SGMS1: variants seen among roughly 807,000 people sequenced by gnomAD.
The protein encoded by SGMS1 is sphingomyelin synthase 1, also known as phosphatidylcholine:ceramide cholinephosphotransferase 1.
Under a neutral mutation model 46.2 loss-of-function variants are expected in SGMS1, and 13 were observed. The observed-to-expected ratio is 0.28, with a 90% CI of 0.18 to 0.45. The LOEUF is 0.45. Ranked by LOEUF, SGMS1 falls within the 20% of genes least tolerant of loss-of-function variation. The pLI, the probability that SGMS1 is intolerant of heterozygous loss-of-function variation, is 1.00. For synonymous variants in SGMS1, 203 were observed against 187.8 expected, an observed-to-expected ratio of 1.08 and a Z score of -0.66; for missense variants, 324 against 519.9, an observed-to-expected ratio of 0.62 and a Z score of 3.66.
At chr10:50,382,499 C>A (rs762589785) in intron 6 of SGMS1, among the ~76,000 whole-genome samples, 1 of 150,560 alleles carries the variant, frequency 6.6e-6, no homozygotes, top group South Asian at 2.1e-4. Context: ...TTTTTATAAT[C>A]AATAAAAAGC....
At chr10:50,329,155 CAT>C (rs1332717428) in intron 7 of SGMS1, among the ~76,000 whole-genome samples, 2 of 152,196 alleles carry the variant, frequency 1.3e-5, no homozygotes, top group African/African-American at 2.4e-5. Flanking sequence ...AAAAGGTACA[CAT>C]ACTCACACAC....
intron 6 of SGMS1, among the ~76,000 whole-genome samples, chr10:50,413,717 C>T (rs1267005854): frequency 6.6e-6 from 1 of 152,200 alleles, no homozygotes; most frequent in African/African-American, 2.4e-5. Context: ...TTGCACCCTG[C>T]AGAGAACCAT....
At chr10:50,595,705 T>C (rs555986865) in intron 1 of SGMS1, among the ~76,000 whole-genome samples, 1 of 152,284 alleles carries the variant, frequency 6.6e-6, no homozygotes, top group East Asian at 1.9e-4. Flanking sequence ...TCAGGGCTTG[T>C]GGTAGGCAAG....
intron 6 of SGMS1, among the ~76,000 whole-genome samples, chr10:50,424,091 C>T (rs182886904): frequency 1.8e-4 from 27 of 152,304 alleles, no homozygotes; most frequent in Admixed American, 1.2e-3. Context: ...AGCTGTACAG[C>T]CATGTTTGTC....
At position 50,428,073 on chromosome 10, in the gene SGMS1, A is replaced by G. The variant is rs78750791; in HGVS notation, c.-232+5403T>C. On this transcript the variant is annotated intron_variant, in intron 6 of 10. Transcript: ENST00000361781. ...GGTGCCTAAAGGGAGAAAAAAGAGT[A>G]GATCAGTTTAGGCTAACTTATACTG... Among the ~76,000 whole-genome samples the G allele has an allele frequency of 6.8e-3, 1,031 of 152,170 alleles. 13 individuals are homozygous for G. Among genetic ancestry groups the G allele is most frequent in the African/African-American group, 0.024 (988 of 41,508 alleles).
intron 4 of SGMS1, among the ~76,000 whole-genome samples, chr10:50,463,366 G>A (rs558266987): frequency 6.6e-6 from 1 of 152,254 alleles, no homozygotes; most frequent in African/African-American, 2.4e-5. Flanking sequence ...GGACTTGAAT[G>A]GACATTTCTC....
chr10:50,309,987 T>C (rs1003918359), intron 9 of SGMS1, among the ~76,000 whole-genome samples: 7 of 152,150 alleles, frequency 4.6e-5, no homozygotes, highest in African/African-American at 7.2e-5. Flanking sequence ...CCCCATCCAG[T>C]CCATCCTGCA....
intron 5 of SGMS1, among the ~76,000 whole-genome samples, chr10:50,453,768 AGGAAGGGAGGAAGGGAGGGAG>A (rs1837143540): frequency 8.3e-6 from 1 of 120,342 alleles, no homozygotes; most frequent in Non-Finnish European, 1.7e-5. Flanking sequence ...GAAGGAAGGA[AGGAAGGGAGGAAGGGAGGGAG>A]GGAGGGGAGA....
At chr10:50,443,347 A>T (rs72801769) in intron 5 of SGMS1, among the ~76,000 whole-genome samples, 3,013 of 152,258 alleles carry the variant, frequency 0.02, 42 homozygotes, top group Non-Finnish European at 0.033. Context: ...TGTCTGCTAG[A>T]ACACTAACCA....
chr10:50,477,570 CA>C (rs1463283533), intron 3 of SGMS1, among the ~76,000 whole-genome samples: 1 of 152,090 alleles, frequency 6.6e-6, no homozygotes, highest in Non-Finnish European at 1.5e-5. Flanking sequence ...CGGGAGGAGC[CA>C]GGGGCAGAAT....
At chr10:50,559,173 T>C (rs1179464111) in intron 2 of SGMS1, among the ~76,000 whole-genome samples, 1 of 152,188 alleles carries the variant, frequency 6.6e-6, no homozygotes, top group Non-Finnish European at 1.5e-5. Flanking sequence ...ATCAAAGGCC[T>C]GTTACTAAAA....
intron 6 of SGMS1, among the ~76,000 whole-genome samples, chr10:50,395,801 A>C (rs1290226450): frequency 6.6e-6 from 1 of 152,224 alleles, no homozygotes; most frequent in Non-Finnish European, 1.5e-5. Flanking sequence ...AAAGAAATAA[A>C]GACTGGACAT....
chr10:50,543,483 G>A (rs1380783589), intron 2 of SGMS1, among the ~76,000 whole-genome samples: 1 of 152,250 alleles, frequency 6.6e-6, no homozygotes, highest in Non-Finnish European at 1.5e-5. Context: ...ATATGTGGTA[G>A]AGGTAAAAAA....
At chr10:50,335,113 G>A (rs1360814826) in intron 7 of SGMS1, 2 of 152,186 alleles carry the variant, frequency 1.3e-5, no homozygotes, top group Non-Finnish European at 2.9e-5. Context: ...CCACTAAAAG[G>A]AAGCAAGACC....
At chr10:50,352,993 G>A (rs976552560) in intron 6 of SGMS1, among the ~76,000 whole-genome samples, 50 of 152,214 alleles carry the variant, frequency 3.3e-4, no homozygotes, top group African/African-American at 1.0e-3. Flanking sequence ...ATTCACAGCC[G>A]AATTCTACCA....
At chr10:50,377,828 G>A (rs1276578722) in intron 6 of SGMS1, among the ~76,000 whole-genome samples, 2 of 152,130 alleles carry the variant, frequency 1.3e-5, no homozygotes, top group Admixed American at 6.5e-5. Flanking sequence ...CTGGCATTCC[G>A]TGGCATTCTT....
At chr10:50,489,546 G>A (rs1241595492) in intron 3 of SGMS1, among the ~76,000 whole-genome samples, 1 of 152,198 alleles carries the variant, frequency 6.6e-6, no homozygotes, top group Non-Finnish European at 1.5e-5. Context: ...AACTGCTTAA[G>A]GGAAAGACCA....
chr10:50,494,317 T>C (rs1413493516), intron 3 of SGMS1, among the ~76,000 whole-genome samples: 2 of 152,222 alleles, frequency 1.3e-5, no homozygotes, highest in Non-Finnish European at 2.9e-5. Context: ...ATTATAAAGA[T>C]ACATGCATGC....
chr10:50,495,064 C>A (rs1304591823), intron 3 of SGMS1, among the ~76,000 whole-genome samples: 6 of 64,130 alleles, frequency 9.4e-5, no homozygotes, highest in Admixed American at 6.2e-4. Context: ...AAAAAAAATA[C>A]AAAAAATACA....
Sources: allele counts gnomAD v4.1 joint callset (sites outside exome capture counted in the v4.1 genomes callset), GRCh38; gene constraint gnomAD v4.1.1; transcripts MANE v1.5; gene names NCBI Gene and HGNC (gene_info 2026-07-23, HGNC 2026-07-21).